The following HDGFL3 variants were observed in gnomAD, a reference collection of about 807,000 sequenced individuals.
The protein encoded by HDGFL3 is HDGF like 3, also known as hepatoma-derived growth factor-related protein 3.
In HDGFL3, 6 loss-of-function variants were observed where a neutral mutation model predicts 27.6. The ratio of observed to expected loss-of-function variants is 0.22; its 90% CI spans 0.12 to 0.43. HDGFL3 has a LOEUF of 0.43. Ranked by LOEUF, HDGFL3 falls within the 20% of genes least tolerant of loss-of-function variation. The pLI, the probability that HDGFL3 is intolerant of heterozygous loss-of-function variation, is 1.00. For missense variants in HDGFL3, 207 were observed against 250.1 expected (o/e 0.83, Z 1.16); for synonymous variants, 88 against 88.9 (o/e 0.99, Z 0.05).
chr15:83,206,433 C>A (rs1567180245), intron 1 of HDGFL3, among the ~76,000 whole-genome samples: 1 of 152,166 alleles, frequency 6.6e-6, no homozygotes, highest in Admixed American at 6.5e-5. Flanking sequence ...AAAAGGATTT[C>A]TTCTAAAACA....
At chr15:83,154,109 G>T (rs1295515500) in intron 4 of HDGFL3, among the ~76,000 whole-genome samples, 3 of 151,484 alleles carry the variant, frequency 2.0e-5, no homozygotes, top group Non-Finnish European at 4.4e-5. Flanking sequence ...GAGCTCAGGA[G>T]TTTGAGACCA....
At chr15:83,200,351 G>A (rs2037629678) in intron 1 of HDGFL3, among the ~76,000 whole-genome samples, 4 of 150,508 alleles carry the variant, frequency 2.7e-5, no homozygotes, top group Admixed American at 1.3e-4. Flanking sequence ...AAAAAAGAAA[G>A]AAAAAAAAGA....
chr15:83,168,141 A>G (rs2037196295), intron 1 of HDGFL3, among the ~76,000 whole-genome samples: 1 of 152,236 alleles, frequency 6.6e-6, no homozygotes, highest in African/African-American at 2.4e-5. Context: ...CCAAAATCTC[A>G]GGGATACAGC....
chr15:83,164,026 G>A lies in HDGFL3; in HGVS notation c.134C>T (p.Pro45Leu). ...GAVKPPANKY[P>L]IFFFGTHETA... ...TTCATGGGTGCCAAAAAAGAAGATA[G>A]GATACTTGTTTGCTGGAGGCTTCAC... Residue 45 changes from proline to leucine, a missense_variant, in exon 2 of 6, where the codon CCT becomes CTT. Physicochemically the swap from Pro to Leu is moderately conservative, Grantham distance 98 (BLOSUM62 -3). Coordinates refer to ENST00000299633, the MANE Select transcript of HDGFL3 (RefSeq NM_016073.4). 1 of 1,612,126 alleles carries A rather than the reference G, an allele frequency of 6.2e-7. No homozygotes were observed. The highest frequency in any genetic ancestry group is 8.5e-7 in the Non-Finnish European group (1 of 1,179,246).
At chr15:83,124,895 A>G (rs1172601638), downstream of HDGFL3, 8 of 861,042 alleles carry the variant, frequency 9.3e-6, no homozygotes, top group Admixed American at 1.9e-4. Flanking sequence ...CTAACAAACC[A>G]TTCCTCCCAT....
intron 1 of HDGFL3, among the ~76,000 whole-genome samples, chr15:83,168,327 T>C (rs1249688096): frequency 6.6e-6 from 1 of 152,024 alleles, no homozygotes; most frequent in African/African-American, 2.4e-5. Flanking sequence ...TTGAACGAAA[T>C]TGGACCCAAA....
chr15:83,126,354 A>AT (rs2035751580), downstream of HDGFL3, among the ~76,000 whole-genome samples: 1 of 152,140 alleles, frequency 6.6e-6, no homozygotes, highest in Non-Finnish European at 1.5e-5. Context: ...GGAAGGTGCT[A>AT]TTTTCAAATC....
rs772960781 is a variant in HDGFL3 at position 83,136,434 on chromosome 15, TGAA to T, written c.*2833_*2835del. The T allele has an allele frequency of 4.6e-6, 7 of 1,512,114 alleles. No individual in the cohort carries two copies. The East Asian group carries it at 1.6e-4, about 34-fold the overall frequency. 93.7% of individuals were successfully genotyped at this position (1,512,114 alleles called of 1,614,324 possible). On this transcript the variant is annotated 3_prime_UTR_variant, in exon 6 of 6. Transcript: ENST00000299633. Reference sequence around the variant, plus strand: ...ATTCAGAACTCATCATGCATCCAACTGAACACGTTTCATGCTTACTCAATTTTT... The same window carrying T: ...ATTCAGAACTCATCATGCATCCAACTCACGTTTCATGCTTACTCAATTTTT...
At position 83,128,119 on chromosome 15, in the gene HDGFL3, A is replaced by C. The variant is rs1461940174; in HGVS notation, c.*11151T>G. 6.6e-6 allele frequency: 1 copy of C among 152,300 alleles called. No individual in the cohort carries two copies. The highest frequency in any genetic ancestry group is 2.4e-5 in the African/African-American group (1 of 41,474). 9.4% of individuals were successfully genotyped at this position (152,300 alleles called of 1,614,324 possible). On this transcript the variant is annotated 3_prime_UTR_variant, in exon 6 of 6. Coordinates refer to ENST00000299633, the MANE Select transcript of HDGFL3 (RefSeq NM_016073.4). ...ACAAGGAAGAAAATTAATTTTTCTT[A>C]CTAGAAATAAAACAAATGAACTTAT...
rs2037372200 is a variant in HDGFL3 at position 83,180,879 on chromosome 15, C to G, written c.85-16804G>C. 2.6e-5 allele frequency: 4 copies of G among 152,030 alleles called. No homozygotes were observed. In the South Asian group the frequency reaches 8.3e-4, roughly 32 times the overall value. The allele number at this position is 152,030 out of a possible 1,614,324, so 9.4% of individuals were successfully genotyped here. On this transcript the variant is annotated intron_variant, in intron 1 of 5. Transcript: ENST00000299633. ...CTCGAACTCCTGACCTCAAGTGATC[C>G]ACCCACCTTGGCCTCCGAGAGTGCT...
rs1244578762 is a variant in HDGFL3 at position 83,207,324 on chromosome 15, T to TA, written c.84+6dup. 1.9e-5 allele frequency: 26 copies of TA among 1,372,576 alleles called. No individual in the cohort carries two copies. The highest frequency in any genetic ancestry group is 2.5e-5 in the Non-Finnish European group (26 of 1,059,426). The allele number at this position is 1,372,576 out of a possible 1,614,324, so 85.0% of individuals were successfully genotyped here. ...CGGGCGGGCCCGCGCGCGGCCGCGG[T>TA]ACTCACCCGGGCCGGCCAGTGCGGG... On this transcript the variant is annotated splice_region_variant and intron_variant, in intron 1 of 5. Coordinates refer to ENST00000299633, the MANE Select transcript of HDGFL3 (RefSeq NM_016073.4). This position sits in a 1 kb window ranked among gnomAD's most constrained non-coding sequence, Gnocchi z 4.8.
At chr15:83,119,504 C>T in intron 3 of HDGFL3, 1 of 1,430,436 alleles carries the variant, frequency 7.0e-7, no homozygotes, top group African/African-American at 1.4e-5. Flanking sequence ...TTTTATTTTA[C>T]TTGCAATACA....
chr15:83,150,255 C>T (rs1237868449), intron 5 of HDGFL3, among the ~76,000 whole-genome samples: 1 of 151,892 alleles, frequency 6.6e-6, no homozygotes, highest in African/African-American at 2.4e-5. Context: ...GGTAGCAGGT[C>T]GAATAGAAAG....
At chr15:83,187,407 C>T (rs1189781657) in intron 1 of HDGFL3, among the ~76,000 whole-genome samples, 1 of 150,308 alleles carries the variant, frequency 6.7e-6, no homozygotes, top group East Asian at 1.9e-4. Context: ...ACCACAAATA[C>T]ACACACAGGA....
intron 3 of HDGFL3, among the ~76,000 whole-genome samples, chr15:83,117,415 T>TGC (rs2151348799): frequency 6.6e-6 from 1 of 152,152 alleles, no homozygotes; most frequent in East Asian, 1.9e-4. Context: ...GAGAAGGGCT[T>TGC]GCCTATGAGA....
intron 1 of HDGFL3, among the ~76,000 whole-genome samples, chr15:83,180,032 G>A (rs2037360431): frequency 1.3e-5 from 2 of 151,908 alleles, no homozygotes; most frequent in Non-Finnish European, 1.5e-5. Context: ...GGAGGTGGTG[G>A]GTGGAAATCC....
At chr15:83,118,585 G>A (rs2034916631) in intron 3 of HDGFL3, among the ~76,000 whole-genome samples, 1 of 152,156 alleles carries the variant, frequency 6.6e-6, no homozygotes, top group Non-Finnish European at 1.5e-5. Context: ...TGATCTGTGG[G>A]AGAGATGACA....
chr15:83,200,856 C>CTTTTTT (rs200038603), intron 1 of HDGFL3, among the ~76,000 whole-genome samples: 9 of 120,162 alleles, frequency 7.5e-5, no homozygotes, highest in African/African-American at 9.2e-5. Context: ...TTACTTTATT[C>CTTTTTT]TTTTTTTTTT....
intron 4 of HDGFL3, among the ~76,000 whole-genome samples, chr15:83,156,686 C>A (rs1165242319): frequency 6.6e-6 from 1 of 152,056 alleles, no homozygotes; most frequent in African/African-American, 2.4e-5. Context: ...GACAAAATTG[C>A]CTAATGATGC....
Sources: allele counts gnomAD v4.1 joint callset (sites outside exome capture counted in the v4.1 genomes callset), GRCh38; gene constraint gnomAD v4.1.1; non-coding constraint Gnocchi (gnomAD v3.1); transcripts MANE v1.5; gene names NCBI Gene and HGNC (gene_info 2026-07-23, HGNC 2026-07-21).